FRMPD4: variants seen among roughly 807,000 people sequenced by gnomAD.
FRMPD4 encodes FERM and PDZ domain containing 4, also known as FERM and PDZ domain-containing protein 4.
A neutral mutation model predicts 94.1 loss-of-function variants in FRMPD4; 22 were observed. The observed-to-expected ratio is 0.23, with a 90% confidence interval of 0.17 to 0.33. FRMPD4 has a LOEUF of 0.33. Among genes scored for constraint, FRMPD4 ranks in the 10% least tolerant of loss-of-function variants. FRMPD4 has a pLI of 1.00. For missense variants in FRMPD4, 1,111 were observed against 1,339.9 expected (o/e 0.83, Z 2.67); for synonymous variants, 631 against 548.6 (o/e 1.15, Z -2.10).
chrX:11,917,879 G>T (rs191540161), intron 3 of FRMPD4, among the ~76,000 whole-genome samples: 1 of 103,604 alleles, frequency 9.7e-6, no homozygotes, highest in Non-Finnish European at 2.0e-5. Context: ...CATGTACCCC[G>T]TGAATCTAAA....
At chrX:12,698,609 C>T (rs908530801) in intron 9 of FRMPD4, among the ~76,000 whole-genome samples, 1 of 108,766 alleles carries the variant, frequency 9.2e-6, no homozygotes, top group African/African-American at 3.4e-5. Context: ...ATGATTAGTA[C>T]CAAATATATA....
chrX:12,177,636 TA>T (rs2147661928), intron 1 of FRMPD4, among the ~76,000 whole-genome samples: 1 of 112,429 alleles, frequency 8.9e-6, no homozygotes, highest in East Asian at 2.8e-4. Context: ...TTTCTCAATT[TA>T]GGCATCAATC....
At chrX:12,693,221 T>C (rs2060095033) in intron 8 of FRMPD4, among the ~76,000 whole-genome samples, 1 of 112,304 alleles carries the variant, frequency 8.9e-6, no homozygotes, top group South Asian at 3.7e-4. Flanking sequence ...TGCATAAGAG[T>C]ATTACACACA....
At chrX:11,970,119 C>T (rs2054332374) in intron 3 of FRMPD4, among the ~76,000 whole-genome samples, 4 of 111,678 alleles carry the variant, frequency 3.6e-5, no homozygotes. Context: ...CAATTTGGGT[C>T]TCCTACCCAG....
At chrX:12,538,242 G>A (rs1457272343) in intron 2 of FRMPD4, among the ~76,000 whole-genome samples, 2 of 111,439 alleles carry the variant, frequency 1.8e-5, no homozygotes, top group East Asian at 5.6e-4. Flanking sequence ...TAGCACAGCA[G>A]TCTGAGATTG....
chrX:12,535,562 T>C (rs2058330731), intron 2 of FRMPD4, among the ~76,000 whole-genome samples: 1 of 112,425 alleles, frequency 8.9e-6, no homozygotes, highest in South Asian at 3.7e-4. Flanking sequence ...TTACTGCTTA[T>C]AGGACTTTCC....
intron 1 of FRMPD4, among the ~76,000 whole-genome samples, chrX:12,342,440 C>A (rs1205174765): frequency 1.8e-5 from 2 of 111,470 alleles, no homozygotes; most frequent in Non-Finnish European, 3.8e-5. Context: ...TAACAACTAT[C>A]AGTGAAAGAG....
intron 3 of FRMPD4, among the ~76,000 whole-genome samples, chrX:12,035,000 GCAGT>G (rs781634211): frequency 4.5e-5 from 5 of 111,978 alleles, no homozygotes; most frequent in African/African-American, 1.6e-4. Flanking sequence ...AGCAGAGAAA[GCAGT>G]CAGTCTCTTG....
At chrX:12,175,931 T>C (rs1258883578) in intron 1 of FRMPD4, among the ~76,000 whole-genome samples, 1 of 111,167 alleles carries the variant, frequency 9.0e-6, no homozygotes, top group Non-Finnish European at 1.9e-5. Context: ...ATCTGAGGAG[T>C]ATTTAAGAAT....
chrX:11,947,342 G>A (rs1468459469), intron 3 of FRMPD4, among the ~76,000 whole-genome samples: 1 of 112,264 alleles, frequency 8.9e-6, no homozygotes, highest in African/African-American at 3.2e-5. Context: ...ATTACTGTGA[G>A]TACAGCTATT....
intron 7 of FRMPD4, 86 bp from the exon 8 acceptor site, chrX:12,690,109 C>T (rs926228534): frequency 8.8e-6 from 6 of 678,498 alleles, no homozygotes; most frequent in Non-Finnish European, 1.3e-5. Context: ...TGGCAGCCTA[C>T]ATGTGTAACA....
In FRMPD4 at chrX:12,679,167, C is replaced by T. The variant is rs770236832; in HGVS notation, c.468+4259C>T. On this transcript the variant is annotated intron_variant, in intron 5 of 16. Transcript: ENST00000675598. ...GTCTTTGCCTGTGGGCTCTTCCTGG[C>T]CCCAGTAGCATGCTCATGGAGCAGG... Among the ~76,000 whole-genome samples the T allele has an allele frequency of 1.2e-4, 13 of 111,601 alleles. No homozygotes were observed. In the East Asian group the frequency reaches 3.4e-3, roughly 29 times the overall value.
chrX:12,355,124 A>G (rs762510329), intron 1 of FRMPD4, among the ~76,000 whole-genome samples: 13 of 111,421 alleles, frequency 1.2e-4, no homozygotes, highest in Non-Finnish European at 2.3e-4. Context: ...AGCACATTAT[A>G]AGCATGCTTT....
At chrX:12,147,168 A>G (rs1235888912) in intron 1 of FRMPD4, among the ~76,000 whole-genome samples, 1 of 111,805 alleles carries the variant, frequency 8.9e-6, no homozygotes, top group East Asian at 2.8e-4. Flanking sequence ...CAATTCTTAA[A>G]TCTTCCCTGA....
At chrX:11,899,382 A>C (rs1234176814) in intron 3 of FRMPD4, among the ~76,000 whole-genome samples, 1 of 69,221 alleles carries the variant, frequency 1.4e-5, no homozygotes, top group African/African-American at 6.1e-5. Context: ...AGTGATGTTG[A>C]CTTTTTTTTT....
At chrX:12,586,382 A>G (rs1165187912) in intron 2 of FRMPD4, among the ~76,000 whole-genome samples, 4 of 112,723 alleles carry the variant, frequency 3.5e-5, no homozygotes, top group Admixed American at 9.4e-5. Context: ...AGGAGATAGT[A>G]CCCAGTGGTC....
At chrX:12,677,116 G>A (rs906577256) in intron 5 of FRMPD4, among the ~76,000 whole-genome samples, 2 of 110,679 alleles carry the variant, frequency 1.8e-5, no homozygotes, top group Admixed American at 9.7e-5. Context: ...ATGGGGACAC[G>A]TCCTGTGCAT....
chrX:11,835,920 T>C (rs942232205), intron 1 of FRMPD4, among the ~76,000 whole-genome samples: 4 of 112,272 alleles, frequency 3.6e-5, no homozygotes, highest in African/African-American at 1.3e-4. Flanking sequence ...TAAACACCTG[T>C]TTCCTTCTGG....
At chrX:12,694,277 C>T (rs2060106210) in intron 8 of FRMPD4, 58 bp from the exon 9 acceptor site, 2 of 1,079,783 alleles carry the variant, frequency 1.9e-6, no homozygotes, top group Admixed American at 4.8e-5. Flanking sequence ...TTCAGTGTCC[C>T]TCAGCCATTT....
Sources: allele counts gnomAD v4.1 joint callset (sites outside exome capture counted in the v4.1 genomes callset), GRCh38; gene constraint gnomAD v4.1.1; transcripts MANE v1.5; gene names NCBI Gene and HGNC (gene_info 2026-07-23, HGNC 2026-07-21).